PTPRB: variants seen among roughly 807,000 people sequenced by gnomAD.
PTPRB encodes receptor-type tyrosine-protein phosphatase beta.
Under a neutral mutation model 238.1 loss-of-function variants are expected in PTPRB, and 97 were observed. That is an observed-to-expected ratio of 0.41 (90% CI 0.35 to 0.48). The LOEUF (loss-of-function observed/expected upper bound fraction) is 0.48, where lower values mean the gene tolerates loss of function less well. Ranked by LOEUF, PTPRB falls within the 20% of genes least tolerant of loss-of-function variation. The pLI is 0.30. For synonymous variants in PTPRB, 970 were observed against 995.4 expected (o/e 0.97, Z 0.48); for missense variants, 2,292 against 2,681.9 (o/e 0.85, Z 3.21).
chr12:70,575,193 G>A (rs1257476491), intron 11 of PTPRB, among the ~76,000 whole-genome samples: 1 of 152,136 alleles, frequency 6.6e-6, no homozygotes, highest in Non-Finnish European at 1.5e-5. Context: ...GAGCTAGACT[G>A]AACTCCACTA....
chr12:70,554,818 A>G (rs1026286104), intron 20 of PTPRB, among the ~76,000 whole-genome samples: 2 of 152,192 alleles, frequency 1.3e-5, no homozygotes, highest in Admixed American at 1.3e-4. Context: ...CCCAATAATG[A>G]AGAGGACTGA....
chr12:70,613,353 C>CT (rs1884544356), intron 3 of PTPRB, among the ~76,000 whole-genome samples: 1 of 152,074 alleles, frequency 6.6e-6, no homozygotes. Context: ...TCAGCGAACA[C>CT]TGACTAGCCA....
chr12:70,616,619 A>G (rs1408873737), intron 3 of PTPRB, among the ~76,000 whole-genome samples: 1 of 152,152 alleles, frequency 6.6e-6, no homozygotes, highest in African/African-American at 2.4e-5. Flanking sequence ...TGATTCCGAT[A>G]TATGTATAAC....
At chr12:70,545,810 G>GTCAC (rs1875870157) in intron 21 of PTPRB, among the ~76,000 whole-genome samples, 1 of 152,208 alleles carries the variant, frequency 6.6e-6, no homozygotes, top group Non-Finnish European at 1.5e-5. Context: ...TTGAGCTCAT[G>GTCAC]TCACTCAAGA....
chr12:70,585,183 A>T (rs1354557686), intron 9 of PTPRB: 4 of 152,082 alleles, frequency 2.6e-5, no homozygotes, highest in Non-Finnish European at 5.9e-5. Context: ...CTGGTCTTGA[A>T]TTCCTGGCCT....
intron 3 of PTPRB, among the ~76,000 whole-genome samples, chr12:70,614,918 T>A (rs544663421): frequency 9.7e-4 from 148 of 152,306 alleles, no homozygotes; most frequent in Non-Finnish European, 1.7e-3. Flanking sequence ...CTATTTTGTG[T>A]TTAGAGAGAC....
Position 70,576,461 on chromosome 12 carries a change from G to A in PTPRB, c.2763C>T (p.Thr921=), listed in dbSNP as rs1050462103. ...TGGTCACGGTGTAGAGGCGGCCTGG[G>A]GTGAGGGAGCTGAAGGAACATTCTC... The part of the protein sequence containing the change: ...SVRECSFSSL[T]PGRLYTVTIT... The change falls in exon 11 of 34, where the codon ACC becomes ACT. Residue 921 remains threonine, a synonymous_variant. Coordinates refer to ENST00000334414, the MANE Select transcript of PTPRB (RefSeq NM_001109754.4). The A allele has an allele frequency of 3.1e-6, 5 of 1,600,170 alleles. No homozygotes were observed. In the South Asian group the frequency reaches 4.5e-5, roughly 14 times the overall value.
intron 4 of PTPRB, among the ~76,000 whole-genome samples, chr12:70,599,433 T>C (rs576217972): frequency 6.6e-6 from 1 of 152,252 alleles, no homozygotes; most frequent in African/African-American, 2.4e-5. Context: ...ATCACACTCA[T>C]ACGCATAGTA....
rs1255328922 is a variant in PTPRB, at chr12:70,519,334, C to T, written c.*2155G>A. 6.6e-6 allele frequency: 1 copy of T among 152,110 alleles called. No individual in the cohort carries two copies. The highest frequency in any genetic ancestry group is 1.9e-4 in the East Asian group (1 of 5,198). 9.4% of individuals were successfully genotyped at this position (152,110 alleles called of 1,614,324 possible). The stretch of plus-strand genomic sequence containing the variant: ...CTATTAAAGTAGCATTAGCACTTTC[C>T]AGTGTGTGGCCTGTGGAAGGTGACC... On this transcript the variant is annotated 3_prime_UTR_variant, in exon 34 of 34. Coordinates refer to ENST00000334414, the MANE Select transcript of PTPRB (RefSeq NM_001109754.4).
chr12:70,636,696 A>G (rs76485257), intron 1 of PTPRB, among the ~76,000 whole-genome samples: 3,341 of 152,316 alleles, frequency 0.022, 49 homozygotes, highest in Non-Finnish European at 0.032. Flanking sequence ...TTAGTCGTGG[A>G]GAGGAGCATT....
At chr12:70,543,062 C>A (rs920927389) in intron 22 of PTPRB, 1 of 151,926 alleles carries the variant, frequency 6.6e-6, no homozygotes, top group African/African-American at 2.4e-5. Context: ...TGTCTTTTTA[C>A]TTTGCTGATA....
intron 4 of PTPRB, chr12:70,608,778 T>A (rs1481828107): frequency 2.3e-5 from 9 of 386,992 alleles, no homozygotes; most frequent in African/African-American, 4.1e-5. Context: ...CACATCACTT[T>A]AAAAAATTCC....
chr12:70,527,611 C>T (rs1872612035), intron 32 of PTPRB: 1 of 152,166 alleles, frequency 6.6e-6, no homozygotes, highest in Non-Finnish European at 1.5e-5. Flanking sequence ...GCAAATTTCC[C>T]TCAAAGCAGC....
intron 14 of PTPRB, among the ~76,000 whole-genome samples, chr12:70,569,198 G>A (rs1273897074): frequency 6.6e-6 from 1 of 152,118 alleles, no homozygotes; most frequent in Non-Finnish European, 1.5e-5. Flanking sequence ...GACCTCCCGG[G>A]CTCAGGTGAT....
chr12:70,530,468 T>C (rs1211638555), intron 32 of PTPRB, among the ~76,000 whole-genome samples: 3 of 150,744 alleles, frequency 2.0e-5, no homozygotes, highest in Non-Finnish European at 4.4e-5. Context: ...CATGTACACA[T>C]ATATGCAATA....
rs571865720 is a variant in PTPRB at position 70,601,981 on chromosome 12, G to C, written c.980-5654C>G. Among the ~76,000 whole-genome samples the C allele has an allele frequency of 4.0e-5, 6 of 151,676 alleles. No individual in the cohort carries two copies. In the East Asian group the frequency reaches 1.2e-3, roughly 29 times the overall value. ...AAGTTTTTTTTTTGTATTTTTAGTA[G>C]AGACGGGGTTTCACCGTGTTAGCCA... On this transcript the variant is annotated intron_variant, in intron 4 of 33. Transcript: ENST00000334414.
chr12:70,633,796 T>C (rs1885563301), intron 2 of PTPRB, among the ~76,000 whole-genome samples: 1 of 152,198 alleles, frequency 6.6e-6, no homozygotes, highest in Admixed American at 6.5e-5. Context: ...CTATGAATTA[T>C]CTTTTATCTT....
chr12:70,528,839 A>G (rs1442278745), intron 32 of PTPRB, among the ~76,000 whole-genome samples: 1 of 152,174 alleles, frequency 6.6e-6, no homozygotes, highest in Non-Finnish European at 1.5e-5. Context: ...AAACACATGG[A>G]TGGCAATACT....
chr12:70,631,748 C>A (rs1421137747), intron 2 of PTPRB, among the ~76,000 whole-genome samples: 1 of 152,106 alleles, frequency 6.6e-6, no homozygotes, highest in African/African-American at 2.4e-5. Flanking sequence ...AAACAAACAA[C>A]CCCATCAAAA....
Sources: allele counts gnomAD v4.1 joint callset (sites outside exome capture counted in the v4.1 genomes callset), GRCh38; gene constraint gnomAD v4.1.1; transcripts MANE v1.5; gene names NCBI Gene and HGNC (gene_info 2026-07-23, HGNC 2026-07-21).